CSMD1: variants seen among roughly 807,000 people sequenced by gnomAD.
The protein encoded by CSMD1 is CUB and sushi domain-containing protein 1.
In CSMD1, 213 loss-of-function variants were observed where a neutral mutation model predicts 417.5. That is an observed-to-expected ratio of 0.51 (90% CI 0.46 to 0.57). The LOEUF is 0.57. CSMD1 is among the 20% of genes least tolerant of loss of function. The pLI, the probability that CSMD1 is intolerant of heterozygous loss-of-function variation, is 0.00. For synonymous variants in CSMD1, 2,862 were observed against 1,736.8 expected, an observed-to-expected ratio of 1.65 and a Z score of -16.11; for missense variants, 6,923 against 4,529.7, an observed-to-expected ratio of 1.53 and a Z score of -15.17.
chr8:3,595,984 C>A (rs371801661), intron 8 of CSMD1, among the ~76,000 whole-genome samples: 4 of 152,166 alleles, frequency 2.6e-5, no homozygotes, highest in African/African-American at 9.7e-5. Flanking sequence ...AGGTGAAAGC[C>A]CCTTTGCCTC....
intron 6 of CSMD1, among the ~76,000 whole-genome samples, chr8:3,725,486 T>C (rs2129045867): frequency 6.6e-6 from 1 of 152,240 alleles, no homozygotes; most frequent in South Asian, 2.1e-4. Flanking sequence ...GTGCTGATTT[T>C]GTGGGTGATA....
At position 3,307,228 on chromosome 8, in the gene CSMD1, C is replaced by T. The variant is rs1034590013; in HGVS notation, c.3950+467G>A. Among the ~76,000 whole-genome samples, 4 of 151,982 alleles carry T rather than the reference C, an allele frequency of 2.6e-5. No homozygotes were observed. The South Asian group carries it at 8.4e-4, about 32-fold the overall frequency. On this transcript the variant is annotated intron_variant, in intron 25 of 69. Coordinates refer to ENST00000635120, the MANE Select transcript of CSMD1 (RefSeq NM_033225.6). ...AGCACAAGTTGGAAATTTGTTCATC[C>T]CTTGCTGCTACAACCCTCCCACCGT...
At chr8:3,669,071 C>G (rs1777635021) in intron 7 of CSMD1, among the ~76,000 whole-genome samples, 1 of 152,060 alleles carries the variant, frequency 6.6e-6, no homozygotes, top group Non-Finnish European at 1.5e-5. Flanking sequence ...AGGAACGACC[C>G]CACTAGAAAT....
At chr8:4,204,184 T>G (rs531153174) in intron 3 of CSMD1, among the ~76,000 whole-genome samples, 1 of 152,118 alleles carries the variant, frequency 6.6e-6, no homozygotes, top group Non-Finnish European at 1.5e-5. Flanking sequence ...TGTGGTGCTG[T>G]GTGCCTGAGA....
In CSMD1 at chr8:2,937,080, T is replaced by A. The variant is rs970501670; in HGVS notation, c.*1505A>T. The A allele has an allele frequency of 1.3e-5, 2 of 152,228 alleles. No individual in the cohort carries two copies. Among genetic ancestry groups the A allele is most frequent in the African/African-American group, 4.8e-5 (2 of 41,462 alleles). The allele number at this position is 152,228 out of a possible 1,614,324, so 9.4% of individuals were successfully genotyped here. On this transcript the variant is annotated 3_prime_UTR_variant, in exon 70 of 70. Transcript: ENST00000635120. ...AGTAAAAGTAAACATGATTTTCACT[T>A]TGAATTTGTTACATAAACTACCTCA...
intron 3 of CSMD1, among the ~76,000 whole-genome samples, chr8:4,375,653 G>A (rs761092069): frequency 3.3e-5 from 5 of 152,096 alleles, no homozygotes; most frequent in South Asian, 4.2e-4. Context: ...CGCGGCTGGT[G>A]GAAGGATAAG....
chr8:4,327,659 C>T (rs1799636268), intron 3 of CSMD1, among the ~76,000 whole-genome samples: 1 of 152,106 alleles, frequency 6.6e-6, no homozygotes, highest in South Asian at 2.1e-4. Context: ...CAAAAAGCTC[C>T]ACGATGCATG....
At chr8:4,592,721 C>G (rs1007696388) in intron 2 of CSMD1, among the ~76,000 whole-genome samples, 2 of 152,020 alleles carry the variant, frequency 1.3e-5, no homozygotes, top group Admixed American at 6.6e-5. Flanking sequence ...TTATAAAGCT[C>G]AATCCAAAAT....
Position 3,586,168 on chromosome 8 carries a change from G to C in CSMD1, c.1190C>G (p.Ala397Gly), listed in dbSNP as rs1163046393. 14 of 1,612,856 alleles carry C rather than the reference G, an allele frequency of 8.7e-6. No homozygotes were observed. The highest frequency in any genetic ancestry group is 1.7e-5 in the Admixed American group (1 of 59,852). Residue 397 changes from alanine (A) to glycine (G), a missense_variant, in exon 9 of 70, where the codon GCT becomes GGT. Coordinates refer to ENST00000635120, the MANE Select transcript of CSMD1 (RefSeq NM_033225.6). ...GATGGGCCTGTGGTCACTCCAAGCA[G>C]CGAGCGTCTCTGTAACTCTCTGACA... Reference protein sequence around the residue: ...ITCQRVTETLAAWSDHRPICR... With the variant: ...ITCQRVTETLGAWSDHRPICR...
chr8:3,855,953 C>T (rs1804277677), intron 5 of CSMD1, among the ~76,000 whole-genome samples: 1 of 152,130 alleles, frequency 6.6e-6, no homozygotes, highest in African/African-American at 2.4e-5. Flanking sequence ...AGAAGCATCT[C>T]CCTACTACTG....
At chr8:3,540,673 A>C (rs1254535864) in intron 10 of CSMD1, among the ~76,000 whole-genome samples, 2 of 152,216 alleles carry the variant, frequency 1.3e-5, no homozygotes, top group African/African-American at 4.8e-5. Flanking sequence ...AAGGAACTCA[A>C]ACAAATTTAC....
intron 16 of CSMD1, among the ~76,000 whole-genome samples, chr8:3,396,729 T>A (rs542021264): frequency 2.6e-5 from 4 of 152,082 alleles, no homozygotes; most frequent in Non-Finnish European, 5.9e-5. Context: ...TATTCCCAAA[T>A]AGAAAAAACT....
chr8:3,880,334 C>T (rs763332562), intron 5 of CSMD1, among the ~76,000 whole-genome samples: 10 of 152,136 alleles, frequency 6.6e-5, no homozygotes, highest in African/African-American at 1.7e-4. Flanking sequence ...ATTACTGCAT[C>T]GTTGTTCTTT....
At chr8:3,616,242 T>C (rs567985785) in intron 8 of CSMD1, among the ~76,000 whole-genome samples, 47 of 152,320 alleles carry the variant, frequency 3.1e-4, no homozygotes, top group African/African-American at 1.1e-3. Flanking sequence ...GGCAATTGAA[T>C]CATGGGGTCA....
At chr8:3,832,233 C>G (rs1021874348) in intron 5 of CSMD1, among the ~76,000 whole-genome samples, 1 of 152,170 alleles carries the variant, frequency 6.6e-6, no homozygotes, top group East Asian at 1.9e-4. Flanking sequence ...AGACCTGGTA[C>G]CTGAAGTCCT....
intron 3 of CSMD1, among the ~76,000 whole-genome samples, chr8:4,225,993 T>A (rs900394122): frequency 1.3e-5 from 2 of 152,084 alleles, no homozygotes; most frequent in African/African-American, 2.4e-5. Context: ...TCAAGAGGTA[T>A]GTTAAAATAA....
At chr8:4,869,250 G>A (rs7841462) in intron 1 of CSMD1, among the ~76,000 whole-genome samples, 142,316 of 152,044 alleles carry the variant, frequency 0.94, 66,740 homozygotes, top group East Asian at 0.97. Flanking sequence ...GGCTATGAAC[G>A]TATATATTAT....
intron 23 of CSMD1, among the ~76,000 whole-genome samples, chr8:3,312,809 TAGACTTCAATC>T (rs1043578362): frequency 1.2e-4 from 19 of 152,082 alleles, no homozygotes; most frequent in Admixed American, 1.2e-3. Context: ...CAAAGGCAGT[TAGACTTCAATC>T]TGGTGTTTCA....
intron 3 of CSMD1, among the ~76,000 whole-genome samples, chr8:4,275,495 T>C (rs929826589): frequency 4.5e-5 from 6 of 134,732 alleles, no homozygotes; most frequent in African/African-American, 1.1e-4. Context: ...GAGGGAGTGA[T>C]AGGAAAACAA....
Sources: allele counts gnomAD v4.1 joint callset (sites outside exome capture counted in the v4.1 genomes callset), GRCh38; gene constraint gnomAD v4.1.1; transcripts MANE v1.5; gene names NCBI Gene and HGNC (gene_info 2026-07-23, HGNC 2026-07-21).